The following CYB5B variants were observed in gnomAD, a reference collection of about 807,000 sequenced individuals.
CYB5B encodes the protein cytochrome b5 type B (outer mitochondrial membrane).
A neutral mutation model predicts 21.3 loss-of-function variants in CYB5B; 14 were observed. That is an observed-to-expected ratio of 0.66 (90% CI 0.43 to 1.03). The LOEUF is 1.03. Among genes scored for constraint, CYB5B ranks in the 50% least tolerant of loss-of-function variants. The probability of loss-of-function intolerance (pLI) is 0.00; values close to 1 mark genes in which losing one functional copy is unlikely to be tolerated. For missense variants in CYB5B, 166 were observed against 185.1 expected (o/e 0.90, Z 0.60); for synonymous variants, 69 against 68.4 (o/e 1.01, Z -0.04).
intron 1 of CYB5B, among the ~76,000 whole-genome samples, chr16:69,428,499 T>C (rs375414457): frequency 6.6e-6 from 1 of 151,670 alleles, no homozygotes; most frequent in African/African-American, 2.4e-5. Flanking sequence ...CTACTAAAAA[T>C]ACAAAAATTA....
At chr16:69,460,549 C>T (rs187337257) in intron 4 of CYB5B, among the ~76,000 whole-genome samples, 16 of 151,910 alleles carry the variant, frequency 1.1e-4, no homozygotes, top group East Asian at 1.9e-4. Flanking sequence ...AGTTTATCAC[C>T]GACTCTTAAG....
At chr16:69,441,390 G>A (rs1210250533) in intron 1 of CYB5B, among the ~76,000 whole-genome samples, 2 of 152,076 alleles carry the variant, frequency 1.3e-5, no homozygotes, top group South Asian at 2.1e-4. Flanking sequence ...TCCTGACCTC[G>A]TGATCCGCCC....
intron 1 of CYB5B, among the ~76,000 whole-genome samples, chr16:69,443,084 C>T (rs1440930422): frequency 2.0e-5 from 3 of 152,002 alleles, no homozygotes; most frequent in Non-Finnish European, 2.9e-5. Context: ...TACAGGTGAG[C>T]GCCAGCATAC....
In CYB5B at chr16:69,462,719, G is replaced by A; in HGVS notation, c.*199G>A. 1.8e-6 allele frequency: 1 copy of A among 555,488 alleles called. No homozygotes were observed. Among genetic ancestry groups the A allele is most frequent in the East Asian group, 3.1e-5 (1 of 32,404 alleles). 34.4% of individuals were successfully genotyped at this position (555,488 alleles called of 1,614,324 possible). A position where few individuals can be genotyped will look rare whatever the true frequency, so the allele number is the denominator to read the frequency against. On this transcript the variant is annotated 3_prime_UTR_variant, in exon 5 of 5. Transcript: ENST00000307892. ...TCAGAGCCTTACTCCCAAAGTACCTGCTCACTGTTCCGTGTTGAACAATTG... is the reference window on the plus strand; with the variant it reads ...TCAGAGCCTTACTCCCAAAGTACCTACTCACTGTTCCGTGTTGAACAATTG...
At chr16:69,439,662 G>T (rs543208968) in intron 1 of CYB5B, among the ~76,000 whole-genome samples, 25 of 152,128 alleles carry the variant, frequency 1.6e-4, no homozygotes, top group Admixed American at 1.4e-3. Flanking sequence ...CACCTCCTAG[G>T]TTCAAGTGAT....
At chr16:69,453,365 G>A (rs2014954323) in intron 3 of CYB5B, among the ~76,000 whole-genome samples, 1 of 152,018 alleles carries the variant, frequency 6.6e-6, no homozygotes, top group South Asian at 2.1e-4. Flanking sequence ...TTATAATTAT[G>A]AAATATAGTT....
Position 69,466,063 on chromosome 16 carries a change from A to G in CYB5B, c.*3543A>G, listed in dbSNP as rs1193462364. ...TGCTATTTGGGCAAACCATTACTTC[A>G]GTTATTTAACTTCCCTTTTTTTTTA... On this transcript the variant is annotated 3_prime_UTR_variant, in exon 5 of 5. Coordinates refer to ENST00000307892, the MANE Select transcript of CYB5B (RefSeq NM_030579.3). 6.6e-6 allele frequency: 1 copy of G among 150,386 alleles called. No homozygotes were observed. Among genetic ancestry groups the G allele is most frequent in the African/African-American group, 2.5e-5 (1 of 39,390 alleles). The allele number at this position is 150,386 out of a possible 1,614,324, so 9.3% of individuals were successfully genotyped here. A position where few individuals can be genotyped will look rare whatever the true frequency, so the allele number is the denominator to read the frequency against.
intron 1 of CYB5B, among the ~76,000 whole-genome samples, chr16:69,436,238 C>T (rs1029569465): frequency 6.6e-6 from 1 of 152,104 alleles, no homozygotes; most frequent in East Asian, 1.9e-4. Flanking sequence ...GGTCTCTGTT[C>T]CCGATGGAGT....
At chr16:69,425,019 G>A (rs1489069775) in intron 1 of CYB5B, among the ~76,000 whole-genome samples, 162 bp downstream of exon 1, 1 of 152,082 alleles carries the variant, frequency 6.6e-6, no homozygotes, top group Non-Finnish European at 1.5e-5. Context: ...TTGGGGGAGG[G>A]CTTTAGTTTG....
intron 3 of CYB5B, among the ~76,000 whole-genome samples, chr16:69,457,912 C>A (rs1437029297): frequency 1.3e-5 from 2 of 152,096 alleles, no homozygotes; most frequent in Admixed American, 1.3e-4. Flanking sequence ...TCTGGAAATT[C>A]TTGGAGATTA....
rs1302380060 is a variant in CYB5B, at chr16:69,463,880, C to G, written c.*1360C>G. 1.3e-5 allele frequency: 2 copies of G among 152,120 alleles called. No individual in the cohort carries two copies. The highest frequency in any genetic ancestry group is 1.3e-4 in the Admixed American group (2 of 15,274). The allele number at this position is 152,120 out of a possible 1,614,324, so 9.4% of individuals were successfully genotyped here. ...TCTTATTGGTTCAATGATGATTTCT[C>G]TGGCATATTAGACTTTTATTTTTTC... On this transcript the variant is annotated 3_prime_UTR_variant, in exon 5 of 5. Coordinates refer to ENST00000307892, the MANE Select transcript of CYB5B (RefSeq NM_030579.3).
At chr16:69,450,817 G>A (rs894786308) in intron 3 of CYB5B, among the ~76,000 whole-genome samples, 3 of 152,152 alleles carry the variant, frequency 2.0e-5, no homozygotes, top group Non-Finnish European at 4.4e-5. Context: ...CTATGGGAGA[G>A]AGTTTTCATT....
At chr16:69,448,329 ACAG>A in intron 3 of CYB5B, 185 bp downstream of exon 3, 1 of 638,364 alleles carries the variant, frequency 1.6e-6, no homozygotes, top group Non-Finnish European at 2.7e-6. Context: ...TGAGTCTTGA[ACAG>A]TAGGAAACAT....
chr16:69,449,672 C>T (rs2014913385), intron 3 of CYB5B: 1 of 152,142 alleles, frequency 6.6e-6, no homozygotes, highest in South Asian at 2.1e-4. Context: ...TTGGTATGTA[C>T]ATGAATATAT....
chr16:69,426,848 T>G (rs1480029318), intron 1 of CYB5B, among the ~76,000 whole-genome samples: 1 of 152,218 alleles, frequency 6.6e-6, no homozygotes, highest in Non-Finnish European at 1.5e-5. Context: ...TTCTCTTGTC[T>G]GCATAGCATT....
Position 69,436,663 on chromosome 16 carries a change from C to T in CYB5B, c.175-10487C>T, listed in dbSNP as rs142900832. ...TGAGGTAATGTGTTTGGCTAGAGGA[C>T]CCCCTTTTCATCACTAGGCCTAATT... is the stretch of plus-strand genomic sequence containing the variant. On this transcript the variant is annotated intron_variant, in intron 1 of 4. Transcript: ENST00000307892. 5.7e-3 allele frequency among the ~76,000 whole-genome samples: 870 copies of T among 152,216 alleles called. 7 individuals are homozygous for T. Among genetic ancestry groups the T allele is most frequent in the Non-Finnish European group, 9.1e-3 (619 of 68,000 alleles).
intron 1 of CYB5B, among the ~76,000 whole-genome samples, chr16:69,434,862 C>CAAA (rs569014074): frequency 5.5e-4 from 64 of 116,564 alleles, no homozygotes; most frequent in Middle Eastern, 4.2e-3. Flanking sequence ...GACTTCATCT[C>CAAA]AAAAAAAAAA....
chr16:69,442,533 T>G (rs2014834680), intron 1 of CYB5B, among the ~76,000 whole-genome samples: 1 of 152,116 alleles, frequency 6.6e-6, no homozygotes, highest in African/African-American at 2.4e-5. Context: ...AATATTTATG[T>G]ATTTTTAATT....
At chr16:69,434,917 G>GT (rs1485618758) in intron 1 of CYB5B, among the ~76,000 whole-genome samples, 2 of 151,696 alleles carry the variant, frequency 1.3e-5, no homozygotes, top group Admixed American at 1.3e-4. Flanking sequence ...TATAATTGTG[G>GT]TTTTAACTTG....
Sources: allele counts gnomAD v4.1 joint callset (sites outside exome capture counted in the v4.1 genomes callset), GRCh38; gene constraint gnomAD v4.1.1; transcripts MANE v1.5; gene names NCBI Gene and HGNC (gene_info 2026-07-23, HGNC 2026-07-21).